The following FAM47E variants were observed in gnomAD, a reference collection of about 807,000 sequenced individuals.
The protein encoded by FAM47E is protein FAM47E.
FAM47E carries 32 observed loss-of-function variants against 41.6 expected under a neutral mutation model. The ratio of observed to expected loss-of-function variants is 0.77; its 90% CI spans 0.58 to 1.03. FAM47E has a LOEUF of 1.03. FAM47E is among the 50% of genes least tolerant of loss of function. FAM47E has a pLI of 0.00. For synonymous variants in FAM47E, 184 were observed against 188.7 expected, an observed-to-expected ratio of 0.98 and a Z score of 0.20; for missense variants, 424 against 485.4, an observed-to-expected ratio of 0.87 and a Z score of 1.19.
rs78346024 is a variant in FAM47E, at chr4:76,216,748, G to A, written c.-29-831G>A. Among the ~76,000 whole-genome samples the A allele has an allele frequency of 3.5e-3, 535 of 152,274 alleles. 5 individuals are homozygous for A. The highest frequency in any genetic ancestry group is 0.012 in the African/African-American group (498 of 41,542). ...TCCCCTTTAAAACTCTGGACAAGCC[G>A]AATGAAAATCTCTTTCTTGGTTCTT... On this transcript the variant is annotated intron_variant, in intron 1 of 7. Coordinates refer to the FAM47E transcript ENST00000510197.
rs963871498 is a variant in FAM47E, at chr4:76,271,582, C to T, written c.684C>T (p.Ile228=). ...TATTCTTCCAGGGAATTTCGGACAT[C>T]GATGAAGAGTTCATCTTGAAACAGT... ...PGLHENGISD[I]DEEFILKQFD... is the part of the protein sequence containing the mutation. The change falls in exon 5 of 8, where the codon ATC becomes ATT. Residue 228 remains isoleucine, a synonymous_variant. Transcript: ENST00000424749. 1.5e-5 allele frequency: 24 copies of T among 1,552,000 alleles called. No individual in the cohort carries two copies. The Admixed American group carries it at 2.2e-4, about 14-fold the overall frequency.
intron 2 of FAM47E, among the ~76,000 whole-genome samples, chr4:76,225,479 A>C (rs1403736991): frequency 6.6e-6 from 1 of 152,182 alleles, no homozygotes; most frequent in Non-Finnish European, 1.5e-5. Flanking sequence ...TCTTAGGGAA[A>C]TGCTTTCAAC....
intron 2 of FAM47E, chr4:76,234,646 C>G (rs893034073): frequency 1.3e-5 from 2 of 152,286 alleles, no homozygotes; most frequent in African/African-American, 4.8e-5. Flanking sequence ...CCCCTCCCAC[C>G]TGGCTGTCTC....
intron 3 of FAM47E, 102 bp from the exon 4 acceptor site, chr4:76,268,558 G>A: frequency 1.6e-6 from 2 of 1,236,822 alleles, no homozygotes; most frequent in Non-Finnish European, 2.2e-6. Context: ...GAGACTGTTA[G>A]AAATACTTGC....
chr4:76,243,388 TACTAGCTCTG>T (rs1733751678), intron 2 of FAM47E, among the ~76,000 whole-genome samples: 1 of 152,206 alleles, frequency 6.6e-6, no homozygotes, highest in African/African-American at 2.4e-5. Flanking sequence ...TAGTACCTGA[TACTAGCTCTG>T]GGTCTTGTTT....
At chr4:76,272,610 T>C (rs1734938622) in intron 5 of FAM47E, among the ~76,000 whole-genome samples, 1 of 152,198 alleles carries the variant, frequency 6.6e-6, no homozygotes, top group African/African-American at 2.4e-5. Context: ...AACTATGCAT[T>C]TCATCATGAA....
chr4:76,274,877 A>T (rs1315576410), intron 5 of FAM47E, among the ~76,000 whole-genome samples: 2 of 152,008 alleles, frequency 1.3e-5, no homozygotes, highest in Non-Finnish European at 2.9e-5. Context: ...TGTGCTGCAA[A>T]CTTTCTCTGC....
rs1177948896 is a variant in FAM47E, at chr4:76,283,605, C to G, written c.*147C>G. 1.7e-6 allele frequency: 1 copy of G among 580,826 alleles called. No homozygotes were observed. Among genetic ancestry groups the G allele is most frequent in the South Asian group, 2.2e-5 (1 of 46,298 alleles). The allele number at this position is 580,826 out of a possible 1,614,324, so 36.0% of individuals were successfully genotyped here. The stretch of plus-strand genomic sequence containing the variant: ...CTTGGCAACATCTGTAAATGTAATA[C>G]CTGATGGTTATAAGCATTTCTCAAT... On this transcript the variant is annotated 3_prime_UTR_variant, in exon 8 of 8. Transcript: ENST00000424749.
chr4:76,226,489 G>C (rs966779820), intron 2 of FAM47E, among the ~76,000 whole-genome samples: 1 of 152,186 alleles, frequency 6.6e-6, no homozygotes, highest in Non-Finnish European at 1.5e-5. Flanking sequence ...CCTGAGCCCT[G>C]GATTCCATCC....
intron 2 of FAM47E, among the ~76,000 whole-genome samples, chr4:76,235,065 CCCAGCA>C (rs780352582): frequency 1.3e-5 from 2 of 152,148 alleles, no homozygotes; most frequent in Non-Finnish European, 2.9e-5. Flanking sequence ...CACCTGTAAT[CCCAGCA>C]CTCTGGGAGG....
chr4:76,277,015 C>A (rs1041943237), intron 5 of FAM47E, among the ~76,000 whole-genome samples: 11 of 152,192 alleles, frequency 7.2e-5, no homozygotes, highest in Non-Finnish European at 4.4e-5. Flanking sequence ...TTTCATGTTT[C>A]TGACACCCAA....
At chr4:76,277,329 C>T (rs1735163733) in intron 5 of FAM47E, among the ~76,000 whole-genome samples, 1 of 151,528 alleles carries the variant, frequency 6.6e-6, no homozygotes. Flanking sequence ...CTAAAAAATA[C>T]AAAAAAATTA....
intron 1 of FAM47E, among the ~76,000 whole-genome samples, chr4:76,215,741 A>T (rs950507219): frequency 2.0e-5 from 3 of 152,218 alleles, no homozygotes; most frequent in African/African-American, 7.2e-5. Context: ...TGCAGAGAAC[A>T]TGGGAAAGAC....
intron 1 of FAM47E, among the ~76,000 whole-genome samples, chr4:76,254,988 G>A (rs1264230059): frequency 6.6e-6 from 1 of 152,148 alleles, no homozygotes; most frequent in Non-Finnish European, 1.5e-5. Context: ...GGCGGTGGGA[G>A]AGGTGGAGGT....
upstream of FAM47E, among the ~76,000 whole-genome samples, chr4:76,247,123 A>C (rs1227523552): frequency 6.6e-6 from 1 of 152,144 alleles, no homozygotes; most frequent in Non-Finnish European, 1.5e-5. Flanking sequence ...TCCTTCTCCC[A>C]GTCCCTAAAA....
At chr4:76,275,403 CTA>C (rs1277404495) in intron 5 of FAM47E, among the ~76,000 whole-genome samples, 3 of 152,170 alleles carry the variant, frequency 2.0e-5, no homozygotes, top group African/African-American at 7.2e-5. Context: ...ATCTGTGCCT[CTA>C]TTTTATATAT....
chr4:76,218,953 C>T (rs1398214002), intron 2 of FAM47E, among the ~76,000 whole-genome samples: 1 of 152,104 alleles, frequency 6.6e-6, no homozygotes, highest in Non-Finnish European at 1.5e-5. Flanking sequence ...ATGATGTAGA[C>T]ATTCTATTTT....
chr4:76,271,752 A>G lies in FAM47E; in HGVS notation c.854A>G (p.Lys285Arg). ...TTCCAGAAACTAGGCTATGAGAGGA[A>G]ACTCCAGAAACCACAGGTAATTGCA... ...EFFQKLGYER[K>R]LQKPQNPYKP... The change falls in exon 5 of 8, where the codon AAA (lysine) becomes AGA (arginine). Residue 285 changes from lysine to arginine, a missense_variant. By Grantham distance (26) the Lys-to-Arg change is conservative. Coordinates refer to ENST00000424749, the MANE Select transcript of FAM47E (RefSeq NM_001136570.3). 6.4e-7 allele frequency: 1 copy of G among 1,551,530 alleles called. No homozygotes were observed. Among genetic ancestry groups the G allele is most frequent in the Non-Finnish European group, 8.7e-7 (1 of 1,146,888 alleles).
At chr4:76,276,692 A>G (rs28698332) in intron 5 of FAM47E, among the ~76,000 whole-genome samples, 30,812 of 152,176 alleles carry the variant, frequency 0.2, 3,235 homozygotes, top group Middle Eastern at 0.3. Context: ...CACTGAAAAG[A>G]TGACATGAAA....
Sources: gnomAD v4.1 joint callset for allele counts (sites outside exome capture counted in the v4.1 genomes callset) on GRCh38, gnomAD v4.1.1 for gene constraint, MANE v1.5 for transcripts, NCBI Gene and HGNC (gene_info 2026-07-23, HGNC 2026-07-21) for gene names.